The following CNTNAP5 variants were observed in gnomAD, a reference collection of about 807,000 sequenced individuals.
CNTNAP5 encodes contactin associated protein family member 5, also known as contactin-associated protein-like 5.
CNTNAP5 carries 72 observed loss-of-function variants against 150.2 expected under a neutral mutation model. The ratio of observed to expected loss-of-function variants is 0.48; its 90% CI spans 0.40 to 0.58. The LOEUF (loss-of-function observed/expected upper bound fraction) is 0.58. CNTNAP5 is among the 20% of genes least tolerant of loss of function. The pLI is 0.00. For synonymous variants in CNTNAP5, 672 were observed against 619.8 expected (o/e 1.08, Z -1.25); for missense variants, 1,636 against 1,626.2 (o/e 1.01, Z -0.10).
rs1678837149 is a variant in CNTNAP5 at position 124,919,729 on chromosome 2, A to C, written c.*5441A>C. Among the ~76,000 whole-genome samples, 4 of 151,908 alleles carry C rather than the reference A, an allele frequency of 2.6e-5. No individual in the cohort carries two copies. The highest frequency in any genetic ancestry group is 9.7e-5 in the African/African-American group (4 of 41,378). ...ATTTGCATGATTTTTTTTACCTTCC[A>C]ACACTTCTTCAGTCACATTCTTTTT... On this transcript the variant is annotated 3_prime_UTR_variant, in exon 24 of 24. Transcript: ENST00000682447.
chr2:124,546,869 T>C (rs1695523878), intron 10 of CNTNAP5, among the ~76,000 whole-genome samples: 1 of 152,206 alleles, frequency 6.6e-6, no homozygotes. Flanking sequence ...GAGATAGTGA[T>C]ACTTGTCTTA....
At chr2:124,114,219 A>G (rs1683373000) in intron 1 of CNTNAP5, among the ~76,000 whole-genome samples, 1 of 152,024 alleles carries the variant, frequency 6.6e-6, no homozygotes, top group Non-Finnish European at 1.5e-5. Flanking sequence ...AATAACTCAC[A>G]TTGTTACAAC....
intron 19 of CNTNAP5, among the ~76,000 whole-genome samples, chr2:124,817,875 G>C (rs942528301): frequency 5.9e-5 from 9 of 152,114 alleles, no homozygotes; most frequent in African/African-American, 2.2e-4. Context: ...TAAAAAGGAG[G>C]TGCATTGCAG....
At chr2:124,192,738 A>T (rs1468578929) in intron 1 of CNTNAP5, among the ~76,000 whole-genome samples, 4 of 152,106 alleles carry the variant, frequency 2.6e-5, no homozygotes, top group Non-Finnish European at 4.4e-5. Context: ...TGTCATGGCC[A>T]CGAGGAGTCC....
intron 3 of CNTNAP5, among the ~76,000 whole-genome samples, chr2:124,268,721 T>C (rs1687672771): frequency 6.6e-6 from 1 of 152,184 alleles, no homozygotes; most frequent in African/African-American, 2.4e-5. Flanking sequence ...CAAGCTTACA[T>C]TTCCGGGTTG....
intron 3 of CNTNAP5, among the ~76,000 whole-genome samples, chr2:124,358,531 C>T (rs1328229675): frequency 2.0e-5 from 3 of 152,114 alleles, no homozygotes; most frequent in African/African-American, 7.2e-5. Flanking sequence ...TGAATTTTGT[C>T]AAAGGCTTTT....
At chr2:124,610,199 C>A (rs561447913) in intron 12 of CNTNAP5, among the ~76,000 whole-genome samples, 1 of 152,140 alleles carries the variant, frequency 6.6e-6, no homozygotes, top group Non-Finnish European at 1.5e-5. Context: ...AGGGCATTTT[C>A]TCTCCTGAAA....
intron 13 of CNTNAP5, among the ~76,000 whole-genome samples, chr2:124,715,353 A>T (rs1282930230): frequency 6.6e-6 from 1 of 152,156 alleles, no homozygotes; most frequent in Non-Finnish European, 1.5e-5. Flanking sequence ...AACACCATAT[A>T]TTTATGCCTC....
At chr2:124,687,074 T>G (rs1438945246) in intron 13 of CNTNAP5, among the ~76,000 whole-genome samples, 1 of 151,912 alleles carries the variant, frequency 6.6e-6, no homozygotes, top group Non-Finnish European at 1.5e-5. Flanking sequence ...ATTACCAGAG[T>G]TTGTGGCTAT....
rs534285406 is a variant in CNTNAP5 at position 124,103,432 on chromosome 2, A to G, written c.82+77700A>G. Among the ~76,000 whole-genome samples the G allele has an allele frequency of 5.9e-5, 9 of 152,242 alleles. No homozygotes were observed. In the South Asian group the frequency reaches 1.0e-3, roughly 18 times the overall value. On this transcript the variant is annotated intron_variant, in intron 1 of 23. Transcript: ENST00000682447. ...CCTAGGCCTTCACATTCACTCTCCC[A>G]TCACTCACTGAGTCACCGAGAGCAA...
At position 124,240,700 on chromosome 2, in the gene CNTNAP5, A is replaced by T. The variant is rs1367247; in HGVS notation, c.188-1500A>T. On this transcript the variant is annotated intron_variant, in intron 2 of 23. Transcript: ENST00000682447. Reference sequence around the variant, plus strand: ...AAAATCAAAACTTTTCTCAAACAAAATCTGCTAAGGGCTAGCTGCTTACTG... The same window carrying T: ...AAAATCAAAACTTTTCTCAAACAAATTCTGCTAAGGGCTAGCTGCTTACTG... Among the ~76,000 whole-genome samples, 1,380 of 152,274 alleles carry T rather than the reference A, an allele frequency of 9.1e-3. 14 individuals are homozygous for T. Among genetic ancestry groups the T allele is most frequent in the East Asian group, 0.031 (161 of 5,176 alleles).
chr2:124,142,122 G>A (rs886960511), intron 1 of CNTNAP5, among the ~76,000 whole-genome samples: 2 of 140,930 alleles, frequency 1.4e-5, no homozygotes, highest in African/African-American at 5.4e-5. Context: ...CAATACAGGA[G>A]CACCCAGATT....
chr2:124,480,112 T>G (rs1693731535), intron 7 of CNTNAP5, among the ~76,000 whole-genome samples: 1 of 152,224 alleles, frequency 6.6e-6, no homozygotes, highest in South Asian at 2.1e-4. Flanking sequence ...TGATTGGAGA[T>G]AGCTCCTGTT....
At chr2:124,177,709 G>A (rs1474267831) in intron 1 of CNTNAP5, among the ~76,000 whole-genome samples, 3 of 152,072 alleles carry the variant, frequency 2.0e-5, no homozygotes, top group Admixed American at 1.3e-4. Flanking sequence ...CACACTTCTC[G>A]CAGAACCTCA....
chr2:124,285,545 A>G (rs917326520), intron 3 of CNTNAP5, among the ~76,000 whole-genome samples: 4 of 152,062 alleles, frequency 2.6e-5, no homozygotes, highest in South Asian at 2.1e-4. Context: ...CACGCCCGTA[A>G]TCTCAACAAT....
At chr2:124,447,599 A>C (rs1692852705) in intron 6 of CNTNAP5, among the ~76,000 whole-genome samples, 1 of 152,200 alleles carries the variant, frequency 6.6e-6, no homozygotes, top group African/African-American at 2.4e-5. Context: ...AGTTGGAGAA[A>C]CTGAGATAAG....
At chr2:124,680,191 C>T (rs1679034326) in intron 13 of CNTNAP5, among the ~76,000 whole-genome samples, 1 of 151,814 alleles carries the variant, frequency 6.6e-6, no homozygotes. Context: ...CAAGGTTCAG[C>T]ATAAATGTCA....
At chr2:124,277,312 T>A (rs1687906257) in intron 3 of CNTNAP5, among the ~76,000 whole-genome samples, 2 of 152,158 alleles carry the variant, frequency 1.3e-5, no homozygotes, top group Admixed American at 1.3e-4. Context: ...GCTCAGGCCC[T>A]TTTTGGCCTT....
chr2:124,736,794 T>C (rs1680391720), intron 13 of CNTNAP5, among the ~76,000 whole-genome samples: 1 of 152,178 alleles, frequency 6.6e-6, no homozygotes, highest in Non-Finnish European at 1.5e-5. Context: ...CTTTCTGGGT[T>C]GTTTCTTTTT....
Sources: gnomAD v4.1 joint callset for allele counts (sites outside exome capture counted in the v4.1 genomes callset) on GRCh38, gnomAD v4.1.1 for gene constraint, MANE v1.5 for transcripts, NCBI Gene and HGNC (gene_info 2026-07-23, HGNC 2026-07-21) for gene names.